The following DDX60L variants were observed in gnomAD, a reference collection of about 807,000 sequenced individuals.
The protein encoded by DDX60L is DExD/H-box 60 like, also known as probable ATP-dependent RNA helicase DDX60-like.
A neutral mutation model predicts 211.6 loss-of-function variants in DDX60L; 191 were observed. The ratio of observed to expected loss-of-function variants is 0.90; its 90% CI spans 0.80 to 1.02. The LOEUF (loss-of-function observed/expected upper bound fraction) is 1.02, where lower values mean the gene tolerates loss of function less well. Among genes scored for constraint, DDX60L ranks in the 50% least tolerant of loss-of-function variants. DDX60L has a pLI of 0.00. For synonymous variants in DDX60L, 706 were observed against 694.1 expected (o/e 1.02, Z -0.27); for missense variants, 2,007 against 1,984.1 (o/e 1.01, Z -0.22).
chr4:168,416,157 A>G (rs1749526358), intron 20 of DDX60L, among the ~76,000 whole-genome samples: 1 of 152,180 alleles, frequency 6.6e-6, no homozygotes, highest in South Asian at 2.1e-4. Context: ...GTAACAAAAC[A>G]ATACTTGACG....
intron 25 of DDX60L, among the ~76,000 whole-genome samples, chr4:168,401,645 GA>G (rs1201856441): frequency 1.3e-5 from 2 of 152,090 alleles, no homozygotes; most frequent in East Asian, 3.8e-4. Context: ...CAGTTTGCTA[GA>G]AAAAAATGTT....
At chr4:168,383,372 A>ATCTT (rs1343971211) in intron 30 of DDX60L, among the ~76,000 whole-genome samples, 1 of 152,218 alleles carries the variant, frequency 6.6e-6, no homozygotes, top group Non-Finnish European at 1.5e-5. Context: ...GCTGTCTGGG[A>ATCTT]CAGACACACT....
chr4:168,395,296 ATAAG>A (rs952443120), intron 27 of DDX60L, among the ~76,000 whole-genome samples: 19 of 152,172 alleles, frequency 1.2e-4, no homozygotes, highest in South Asian at 2.1e-4. Context: ...CAAGAAATAA[ATAAG>A]TAAGGGAGGA....
At chr4:168,473,995 T>C (rs1219253485) in intron 1 of DDX60L, among the ~76,000 whole-genome samples, 2 of 152,164 alleles carry the variant, frequency 1.3e-5, no homozygotes, top group Non-Finnish European at 2.9e-5. Context: ...TCAACAACTA[T>C]TGAATGAGCA....
intron 27 of DDX60L, among the ~76,000 whole-genome samples, chr4:168,395,106 G>A (rs1382479134): frequency 6.6e-6 from 1 of 152,154 alleles, no homozygotes; most frequent in African/African-American, 2.4e-5. Context: ...TTATCCTCAG[G>A]AGGAAATCCA....
intron 6 of DDX60L, among the ~76,000 whole-genome samples, chr4:168,457,261 T>TACAC (rs70961523): frequency 3.4e-5 from 5 of 145,204 alleles, no homozygotes; most frequent in Non-Finnish European, 7.5e-5. Flanking sequence ...ATAAACTACA[T>TACAC]ACACACACAC....
chr4:168,445,503 G>A (rs1157207989), intron 9 of DDX60L, among the ~76,000 whole-genome samples: 1 of 152,140 alleles, frequency 6.6e-6, no homozygotes, highest in Non-Finnish European at 1.5e-5. Flanking sequence ...AATAGAAAAA[G>A]AGGGAATTCT....
At chr4:168,405,744 G>A (rs1747641574) in intron 24 of DDX60L, among the ~76,000 whole-genome samples, 1 of 152,138 alleles carries the variant, frequency 6.6e-6, no homozygotes. Flanking sequence ...TATGGTGCAT[G>A]TTTTAAAGGT....
At chr4:168,382,870 A>C (rs1472432062) in intron 30 of DDX60L, among the ~76,000 whole-genome samples, 1 of 152,210 alleles carries the variant, frequency 6.6e-6, no homozygotes, top group African/African-American at 2.4e-5. Flanking sequence ...AACAAAAAAA[A>C]CCTAAAACTA....
At position 168,461,814 on chromosome 4, in the gene DDX60L, T is replaced by C. The variant is rs760677315; in HGVS notation, c.491A>G (p.His164Arg). The change falls in exon 5 of 38, where the codon CAT becomes CGT. Residue 164 changes from histidine to arginine, a missense_variant. His to Arg is a conservative substitution (Grantham distance 29). Transcript: ENST00000682922. Reference protein sequence around the residue: ...QTYLFNFLIIHSWGMKVNVVL... With the variant: ...QTYLFNFLIIRSWGMKVNVVL... Reference sequence around the variant, plus strand: ...AACATTGACTTTCATTCCCCAGGAATGTATGATTAGGAAGTTAAAAAGGTA... The same window carrying C: ...AACATTGACTTTCATTCCCCAGGAACGTATGATTAGGAAGTTAAAAAGGTA... 6.2e-7 allele frequency: 1 copy of C among 1,607,162 alleles called. No homozygotes were observed. Among genetic ancestry groups the C allele is most frequent in the Admixed American group, 1.7e-5 (1 of 59,260 alleles).
At chr4:168,476,613 T>G (rs1411196025) in intron 1 of DDX60L, among the ~76,000 whole-genome samples, 1 of 151,482 alleles carries the variant, frequency 6.6e-6, no homozygotes, top group African/African-American at 2.4e-5. Flanking sequence ...ATACACCAAC[T>G]GTAATGTGAA....
intron 10 of DDX60L, among the ~76,000 whole-genome samples, chr4:168,437,138 A>G (rs899566584): frequency 6.6e-6 from 1 of 152,230 alleles, no homozygotes; most frequent in Non-Finnish European, 1.5e-5. Context: ...ATTGGACTGG[A>G]CTGTGTTCTT....
At chr4:168,423,866 A>G in intron 14 of DDX60L, 92 bp from the exon 15 acceptor site, 1 of 789,312 alleles carries the variant, frequency 1.3e-6, no homozygotes, top group East Asian at 3.0e-5. Context: ...AATTAACCTC[A>G]TGTGATTAAA....
chr4:168,452,082 A>G lies in DDX60L; in HGVS notation c.996+1042T>C, dbSNP rs568766915. 5.3e-5 allele frequency among the ~76,000 whole-genome samples: 8 copies of G among 152,326 alleles called. No homozygotes were observed. The South Asian group carries it at 1.2e-3, about 24-fold the overall frequency. ...ATTCAATAATGCAAATTGAAGTTCC[A>G]TGGAAGAAGAAGAGATATGAGTTTG... On this transcript the variant is annotated intron_variant, in intron 8 of 37. Coordinates refer to ENST00000682922, the MANE Select transcript of DDX60L (RefSeq NM_001012967.3).
At chr4:168,375,315 CT>C in intron 34 of DDX60L, 61 bp downstream of exon 34, 1 of 1,537,682 alleles carries the variant, frequency 6.5e-7, no homozygotes, top group African/African-American at 1.4e-5. Context: ...TATCCAGAGG[CT>C]TTCTTAACCA....
intron 27 of DDX60L, 112 bp downstream of exon 27, chr4:168,395,847 A>G: frequency 1.3e-6 from 1 of 749,170 alleles, no homozygotes; most frequent in Non-Finnish European, 2.2e-6. Flanking sequence ...CACAGAGATA[A>G]TCATATTTCA....
intron 10 of DDX60L, among the ~76,000 whole-genome samples, chr4:168,433,531 T>C (rs906123847): frequency 1.3e-5 from 2 of 152,158 alleles, no homozygotes; most frequent in African/African-American, 4.8e-5. Context: ...AAATTAATAA[T>C]AAAAGTATTT....
At chr4:168,359,970 C>G (rs1738827098) in intron 37 of DDX60L, among the ~76,000 whole-genome samples, 1 of 152,144 alleles carries the variant, frequency 6.6e-6, no homozygotes, top group Admixed American at 6.5e-5. Context: ...ACTTAATTAT[C>G]CTAATTAACT....
At chr4:168,441,538 G>T in intron 9 of DDX60L, 46 bp from the exon 10 acceptor site, 2 of 1,462,726 alleles carry the variant, frequency 1.4e-6, no homozygotes, top group Non-Finnish European at 1.9e-6. Context: ...TCATACACAT[G>T]CAGACACACA....
Sources: gnomAD v4.1 joint callset for allele counts (sites outside exome capture counted in the v4.1 genomes callset) on GRCh38, gnomAD v4.1.1 for gene constraint, MANE v1.5 for transcripts, NCBI Gene and HGNC (gene_info 2026-07-23, HGNC 2026-07-21) for gene names.